Variants in RPRD1B observed in about 807,000 individuals in gnomAD.
The protein encoded by RPRD1B is regulation of nuclear pre-mRNA domain-containing protein 1B.
Under a neutral mutation model 41.5 loss-of-function variants are expected in RPRD1B, and 11 were observed. The ratio of observed to expected loss-of-function variants is 0.27; its 90% CI spans 0.17 to 0.44. The LOEUF (loss-of-function observed/expected upper bound fraction) is 0.44, where lower values mean the gene tolerates loss of function less well. RPRD1B is among the 20% of genes least tolerant of loss of function. The pLI is 1.00. For missense variants in RPRD1B, 248 were observed against 389.9 expected, an observed-to-expected ratio of 0.64 and a Z score of 3.06; for synonymous variants, 158 against 155.6, an observed-to-expected ratio of 1.02 and a Z score of -0.12.
intron 3 of RPRD1B, among the ~76,000 whole-genome samples, chr20:38,049,053 C>T (rs1600397951): frequency 6.7e-6 from 1 of 150,200 alleles, no homozygotes; most frequent in East Asian, 2.0e-4. Flanking sequence ...GGGTTCGAGC[C>T]ATTCTCCTGC....
At chr20:38,037,090 C>T (rs2074011182) in intron 1 of RPRD1B, among the ~76,000 whole-genome samples, 1 of 152,146 alleles carries the variant, frequency 6.6e-6, no homozygotes, top group East Asian at 1.9e-4. Flanking sequence ...AGTCATTTTC[C>T]GTAGCTGAGA....
intron 6 of RPRD1B, among the ~76,000 whole-genome samples, chr20:38,072,037 A>G (rs1316474020): frequency 6.6e-6 from 1 of 151,920 alleles, no homozygotes; most frequent in Non-Finnish European, 1.5e-5. Context: ...CAATTTATCT[A>G]TTTTTGTGGT....
chr20:38,056,075 A>G (rs1421194779), intron 3 of RPRD1B, among the ~76,000 whole-genome samples: 1 of 152,124 alleles, frequency 6.6e-6, no homozygotes, highest in Non-Finnish European at 1.5e-5. Flanking sequence ...TTTTTGTAAT[A>G]GACAGAATCA....
At chr20:38,068,910 T>G (rs2074384842) in intron 6 of RPRD1B, among the ~76,000 whole-genome samples, 2 of 152,226 alleles carry the variant, frequency 1.3e-5, no homozygotes, top group South Asian at 4.1e-4. Flanking sequence ...TTACCCACTT[T>G]TTTAACATTC....
chr20:38,089,870 G>C lies in RPRD1B; in HGVS notation c.976G>C (p.Asp326His). 1 of 1,611,638 alleles carries C rather than the reference G, an allele frequency of 6.2e-7. No individual in the cohort carries two copies. The highest frequency in any genetic ancestry group is 8.5e-7 in the Non-Finnish European group (1 of 1,179,128). ...CTCTGCTGGGGACCTGTTTTCAACT[G>C]ACTAGGATGGGTGTCATGTCCCAGA... is the stretch of plus-strand genomic sequence containing the variant. ...LPSAGDLFST[D>H] The change falls in exon 7 of 7, where the codon GAC becomes CAC. Residue 326 changes from aspartate (D) to histidine (H), a missense_variant. Asp to His is a moderately conservative substitution (Grantham distance 81). Transcript: ENST00000373433.
chr20:38,066,154 C>T lies in RPRD1B; in HGVS notation c.729C>T (p.Arg243=). Residue 243 remains arginine (R), a synonymous_variant, in exon 6 of 7, where the codon CGC becomes CGT. Coordinates refer to ENST00000373433, the MANE Select transcript of RPRD1B (RefSeq NM_021215.4). ...ACLLLAEYNG[R]LAAELEDRRQ... ...TGTTACTAGCAGAATATAACGGGCG[C>T]CTGGCAGCAGAACTGGAGGACCGTC... 6.2e-7 allele frequency: 1 copy of T among 1,614,136 alleles called. No homozygotes were observed. Among genetic ancestry groups the T allele is most frequent in the African/African-American group, 1.3e-5 (1 of 75,022 alleles).
intron 6 of RPRD1B, among the ~76,000 whole-genome samples, chr20:38,072,631 T>G (rs962946461): frequency 6.6e-6 from 1 of 152,224 alleles, no homozygotes; most frequent in Non-Finnish European, 1.5e-5. Context: ...TCTTAAGTGT[T>G]TCAGCTCATG....
intron 1 of RPRD1B, among the ~76,000 whole-genome samples, chr20:38,035,689 G>A (rs1019378014): frequency 6.6e-6 from 1 of 152,086 alleles, no homozygotes; most frequent in Admixed American, 6.5e-5. Context: ...GTGCTGAAAT[G>A]TGAATTGCCA....
intron 1 of RPRD1B, among the ~76,000 whole-genome samples, chr20:38,037,989 A>G (rs923038371): frequency 9.2e-5 from 14 of 152,154 alleles, no homozygotes; most frequent in Admixed American, 2.6e-4. Flanking sequence ...TTTCACTTAC[A>G]TCAACTTTGC....
In RPRD1B at chr20:38,071,725, A is replaced by G. The variant is rs139416608; in HGVS notation, c.831+5469A>G. 4.4e-4 allele frequency among the ~76,000 whole-genome samples: 67 copies of G among 152,188 alleles called. No individual in the cohort carries two copies. In the East Asian group the frequency reaches 0.012, roughly 28 times the overall value. On this transcript the variant is annotated intron_variant, in intron 6 of 6. Coordinates refer to ENST00000373433, the MANE Select transcript of RPRD1B (RefSeq NM_021215.4). ...TGTTATTGTCTCTTTATTTTCGACA[A>G]CCTACATGTGCAGGTTTATCTCATT... is the stretch of plus-strand genomic sequence containing the variant.
chr20:38,091,706 T>C lies in RPRD1B; in HGVS notation c.*1831T>C, dbSNP rs1372861677. 1.0e-6 allele frequency: 1 copy of C among 985,640 alleles called. No homozygotes were observed. Among genetic ancestry groups the C allele is most frequent in the Non-Finnish European group, 1.2e-6 (1 of 829,954 alleles). 61.1% of individuals were successfully genotyped at this position (985,640 alleles called of 1,614,324 possible). On this transcript the variant is annotated 3_prime_UTR_variant, in exon 7 of 7. Coordinates refer to ENST00000373433, the MANE Select transcript of RPRD1B (RefSeq NM_021215.4). ...CAGGCCCATCTGGGACACTCTATGC[T>C]TTCACCAAGGAAGTGCGATCTGAGC...
chr20:38,036,629 C>T (rs1221007143), intron 1 of RPRD1B, among the ~76,000 whole-genome samples: 5 of 152,092 alleles, frequency 3.3e-5, no homozygotes, highest in Non-Finnish European at 2.9e-5. Context: ...ATAGAATTTT[C>T]GTGGTTGAGT....
At chr20:38,058,361 G>A (rs2074264483) in intron 4 of RPRD1B, among the ~76,000 whole-genome samples, 1 of 152,134 alleles carries the variant, frequency 6.6e-6, no homozygotes, top group Non-Finnish European at 1.5e-5. Context: ...ATGTTACGGT[G>A]TTGAGTTAGA....
In RPRD1B at chr20:38,077,980, A is replaced by C. The variant is rs78437295; in HGVS notation, c.831+11724A>C. 6.8e-3 allele frequency among the ~76,000 whole-genome samples: 1,030 copies of C among 152,094 alleles called. 16 individuals are homozygous for C. Among genetic ancestry groups the C allele is most frequent in the African/African-American group, 0.023 (966 of 41,474 alleles). On this transcript the variant is annotated intron_variant, in intron 6 of 6. Transcript: ENST00000373433. ...CACTTGAGTCCAAGAGTTTGAGACCATCCTGAGCTACATGGCAAAACCCCG... is the reference window on the plus strand; with the variant it reads ...CACTTGAGTCCAAGAGTTTGAGACCCTCCTGAGCTACATGGCAAAACCCCG...
chr20:38,039,837 G>A (rs1209435545), intron 1 of RPRD1B, among the ~76,000 whole-genome samples: 2 of 150,986 alleles, frequency 1.3e-5, no homozygotes, highest in Admixed American at 6.6e-5. Context: ...GGGTTCAAGC[G>A]ATTCTCCTGC....
At position 38,089,803 on chromosome 20, in the gene RPRD1B, C is replaced by T; in HGVS notation, c.909C>T (p.Leu303=). ...CCCATATTCAGAGCTTGCCAGACCT[C>T]TCACTGCTGCCCAACGTCACAGGGG... ...LKSHIQSLPD[L]SLLPNVTGGL... is the part of the protein sequence containing the mutation. The change falls in exon 7 of 7, where the codon CTC becomes CTT. Residue 303 remains leucine (L), a synonymous_variant. Transcript: ENST00000373433. The T allele has an allele frequency of 6.2e-7, 1 of 1,614,240 alleles. No individual in the cohort carries two copies. Among genetic ancestry groups the T allele is most frequent in the Non-Finnish European group, 8.5e-7 (1 of 1,180,040 alleles).
intron 1 of RPRD1B, among the ~76,000 whole-genome samples, chr20:38,038,490 GTTTTTTTTTT>G (rs150397040): frequency 9.1e-5 from 7 of 76,788 alleles, no homozygotes; most frequent in East Asian, 3.7e-4. Context: ...TTTTTGTTTT[GTTTTTTTTTT>G]TTTTTTTTTT....
chr20:38,040,187 CAATT>C (rs2074051164), intron 1 of RPRD1B, among the ~76,000 whole-genome samples: 1 of 151,972 alleles, frequency 6.6e-6, no homozygotes, highest in African/African-American at 2.4e-5. Flanking sequence ...TTTTTACTAT[CAATT>C]AATTACCCTG....
In RPRD1B at chr20:38,048,497, CAT is replaced by C. The variant is rs2074144177; in HGVS notation, c.415+17_415+18del. ...CCCCCCAAAGGTAGAAACATCACCA[CAT>C]GTTTACAGCTCTTGGTCTTTGCCTA... On this transcript the variant is annotated intron_variant, in intron 3 of 6. Coordinates refer to ENST00000373433, the MANE Select transcript of RPRD1B (RefSeq NM_021215.4). 2 of 1,593,132 alleles carry C rather than the reference CAT, an allele frequency of 1.3e-6. No individual in the cohort carries two copies. Among genetic ancestry groups the C allele is most frequent in the Non-Finnish European group, 1.7e-6 (2 of 1,164,598 alleles).
Sources: allele counts gnomAD v4.1 joint callset (sites outside exome capture counted in the v4.1 genomes callset), GRCh38; gene constraint gnomAD v4.1.1; transcripts MANE v1.5; gene names NCBI Gene and HGNC (gene_info 2026-07-23, HGNC 2026-07-21).